Variants in GPHN observed in about 807,000 individuals in gnomAD.
GPHN encodes the protein gephyrin.
GPHN carries 17 observed loss-of-function variants against 95.5 expected under a neutral mutation model. The ratio of observed to expected loss-of-function variants is 0.18; its 90% CI spans 0.12 to 0.27. GPHN has a LOEUF of 0.27. GPHN is among the 10% of genes least tolerant of loss of function. The pLI, the probability that GPHN is intolerant of heterozygous loss-of-function variation, is 1.00. For missense variants in GPHN, 660 were observed against 978.1 expected (o/e 0.67, Z 4.34); for synonymous variants, 320 against 322.5 (o/e 0.99, Z 0.08).
At chr14:67,031,235 A>T (rs1259352141) in intron 10 of GPHN, among the ~76,000 whole-genome samples, 1 of 152,170 alleles carries the variant, frequency 6.6e-6, no homozygotes, top group East Asian at 1.9e-4. Flanking sequence ...GCATCTTACT[A>T]TTAAGAAACA....
At chr14:67,425,163 C>T in the GPHN span, among the ~76,000 whole-genome samples, 5 of 152,246 alleles carry the variant, frequency 3.3e-5, no homozygotes, top group South Asian at 1.0e-3. Flanking sequence ...CAGCTCACTA[C>T]AGCCTCAAAC....
At chr14:67,143,120 A>G (rs963648089) in intron 17 of GPHN, 1 of 440,700 alleles carries the variant, frequency 2.3e-6, no homozygotes, top group African/African-American at 2.0e-5. Context: ...GTGGCTTGTT[A>G]GAATAAAAAG....
intron 10 of GPHN, among the ~76,000 whole-genome samples, chr14:67,047,977 T>C (rs1300046099): frequency 2.6e-5 from 4 of 152,132 alleles, no homozygotes; most frequent in Non-Finnish European, 5.9e-5. Flanking sequence ...AGATGAAACA[T>C]TGTATATTAA....
intron 1 of GPHN, among the ~76,000 whole-genome samples, chr14:66,544,488 A>T (rs368226422): frequency 1.2e-3 from 181 of 152,270 alleles, no homozygotes; most frequent in African/African-American, 4.0e-3. Context: ...TTACCGATAT[A>T]TTTCAAGTAC....
At chr14:66,536,653 A>C (rs1006486821) in intron 1 of GPHN, among the ~76,000 whole-genome samples, 4 of 152,148 alleles carry the variant, frequency 2.6e-5, no homozygotes, top group African/African-American at 9.7e-5. Flanking sequence ...TGAATTGGGA[A>C]GTCTCTCTCT....
At chr14:67,633,366 T>G in the GPHN span, among the ~76,000 whole-genome samples, 10,867 of 152,250 alleles carry the variant, frequency 0.071, 484 homozygotes, top group Admixed American at 0.12. Flanking sequence ...TATGACATAT[T>G]CTATGGCGAT....
In GPHN at chr14:67,084,746, A is replaced by G. The variant is rs559347365; in HGVS notation, c.1145-4237A>G. 1.3e-4 allele frequency among the ~76,000 whole-genome samples: 20 copies of G among 152,306 alleles called. No homozygotes were observed. The East Asian group carries it at 3.1e-3, about 23-fold the overall frequency. ...GGCCTTGGTAAGAGACAGAAGATCA[A>G]AGAGGTAACATCTGAGCTGAACCTT... On this transcript the variant is annotated intron_variant, in intron 11 of 22. Coordinates refer to ENST00000478722, the MANE Select transcript of GPHN (RefSeq NM_020806.5).
At chr14:67,488,009 G>C in the GPHN span, among the ~76,000 whole-genome samples, 1 of 152,212 alleles carries the variant, frequency 6.6e-6, no homozygotes, top group Non-Finnish European at 1.5e-5. Flanking sequence ...TAATATGAAA[G>C]TGCTAAAGCT....
At chr14:67,029,938 T>G (rs951941139) in intron 10 of GPHN, among the ~76,000 whole-genome samples, 1 of 151,882 alleles carries the variant, frequency 6.6e-6, no homozygotes, top group African/African-American at 2.4e-5. Context: ...TGTCTCCTAG[T>G]GTTCCTTTTA....
At chr14:66,881,838 A>G (rs2063942239) in intron 5 of GPHN, among the ~76,000 whole-genome samples, 1 of 151,792 alleles carries the variant, frequency 6.6e-6, no homozygotes, top group South Asian at 2.1e-4. Flanking sequence ...TTTATCCTGA[A>G]GGCTTTGAAA....
At chr14:67,286,869 A>AT in the GPHN span, among the ~76,000 whole-genome samples, 1 of 151,120 alleles carries the variant, frequency 6.6e-6, no homozygotes, top group African/African-American at 2.4e-5. Flanking sequence ...AAAAAAAAAA[A>AT]AAAAAGAAAA....
chr14:67,171,394 AAAAG>A (rs1237381928), intron 21 of GPHN, among the ~76,000 whole-genome samples: 2 of 152,074 alleles, frequency 1.3e-5, no homozygotes, highest in Admixed American at 6.6e-5. Flanking sequence ...AAGAAAAAGA[AAAAG>A]AAAGGAACAC....
intron 19 of GPHN, among the ~76,000 whole-genome samples, chr14:67,160,967 G>A: frequency 6.6e-6 from 1 of 152,196 alleles, no homozygotes; most frequent in Non-Finnish European, 1.5e-5. Context: ...CAATATGGCT[G>A]CTGCTGATAG....
the GPHN span, among the ~76,000 whole-genome samples, chr14:67,684,101 A>G: frequency 6.6e-6 from 1 of 152,160 alleles, no homozygotes; most frequent in Non-Finnish European, 1.5e-5. Flanking sequence ...CACTAGGTTA[A>G]TTATTCATTC....
chr14:67,382,908 C>CGTGCGTGT, the GPHN span, among the ~76,000 whole-genome samples: 6 of 144,096 alleles, frequency 4.2e-5, no homozygotes, highest in Non-Finnish European at 7.9e-5. Flanking sequence ...TGCGTGCGTG[C>CGTGCGTGT]GTGTGTGTGT....
chr14:66,679,099 C>G (rs562524716), intron 1 of GPHN, among the ~76,000 whole-genome samples: 1 of 152,186 alleles, frequency 6.6e-6, no homozygotes, highest in African/African-American at 2.4e-5. Flanking sequence ...CCCTCAGGCC[C>G]GAAGTCTCCC....
At chr14:67,331,710 T>A in the GPHN span, among the ~76,000 whole-genome samples, 3 of 152,186 alleles carry the variant, frequency 2.0e-5, no homozygotes, top group African/African-American at 7.2e-5. Flanking sequence ...TTAAATTTGA[T>A]AAAAACTAGG....
intron 5 of GPHN, among the ~76,000 whole-genome samples, chr14:66,896,950 A>T (rs1353658969): frequency 1.3e-5 from 2 of 152,200 alleles, no homozygotes; most frequent in Non-Finnish European, 2.9e-5. Flanking sequence ...CTTGATAAAC[A>T]TGTATACCTT....
the GPHN span, among the ~76,000 whole-genome samples, chr14:67,694,239 C>T: frequency 6.6e-6 from 1 of 152,106 alleles, no homozygotes; most frequent in African/African-American, 2.4e-5. Context: ...CATCACCTCC[C>T]TCCTCAGAAA....
Sources: allele counts gnomAD v4.1 joint callset (sites outside exome capture counted in the v4.1 genomes callset), GRCh38; gene constraint gnomAD v4.1.1; transcripts MANE v1.5; gene names NCBI Gene and HGNC (gene_info 2026-07-23, HGNC 2026-07-21).